Variants in DDX52 observed in about 807,000 individuals in gnomAD.
DDX52 encodes the protein probable ATP-dependent RNA helicase DDX52.
In DDX52, 59 loss-of-function variants were observed where a neutral mutation model predicts 76.1. That is an observed-to-expected ratio of 0.78 (90% confidence interval 0.63 to 0.96). The LOEUF (loss-of-function observed/expected upper bound fraction) is 0.96, where lower values mean the gene tolerates loss of function less well. Among genes scored for constraint, DDX52 ranks in the 40% least tolerant of loss-of-function variants. DDX52 has a pLI of 0.00. For synonymous variants in DDX52, 231 were observed against 244.1 expected, an observed-to-expected ratio of 0.95 and a Z score of 0.50; for missense variants, 707 against 703.9, an observed-to-expected ratio of 1.00 and a Z score of -0.05.
chr17:37,615,343 A>G lies in DDX52; in HGVS notation c.1743-990T>C, dbSNP rs2064412000. Reference sequence around the variant, plus strand: ...AGGGGGCTGATATGACAAGATTTATATCAAGTGTCTTCGAAGTCTTAGTAC... The same window carrying G: ...AGGGGGCTGATATGACAAGATTTATGTCAAGTGTCTTCGAAGTCTTAGTAC... On this transcript the variant is annotated intron_variant, in intron 14 of 14. Transcript: ENST00000617633. 3.9e-5 allele frequency among the ~76,000 whole-genome samples: 6 copies of G among 152,310 alleles called. 1 individual carries two copies. In the South Asian group the frequency reaches 1.2e-3, roughly 32 times the overall value.
At chr17:37,639,352 TA>T in intron 2 of DDX52, 4 of 983,496 alleles carry the variant, frequency 4.1e-6, no homozygotes, top group Non-Finnish European at 4.8e-6. Flanking sequence ...AGAATAACTT[TA>T]AAAAAATTTT....
intron 2 of DDX52, among the ~76,000 whole-genome samples, chr17:37,638,389 C>A (rs143871428): frequency 1.6e-3 from 245 of 152,334 alleles, no homozygotes; most frequent in Non-Finnish European, 2.9e-3. Flanking sequence ...TGCCTCTCCA[C>A]TCTACTGGAT....
chr17:37,639,434 A>T, intron 2 of DDX52: 6 of 991,718 alleles, frequency 6.1e-6, no homozygotes, highest in Non-Finnish European at 7.2e-6. Flanking sequence ...TCAATTTTCC[A>T]GTTAAAAATA....
At chr17:37,615,562 C>A (rs2064415130) in intron 14 of DDX52, among the ~76,000 whole-genome samples, 1 of 152,022 alleles carries the variant, frequency 6.6e-6, no homozygotes, top group Non-Finnish European at 1.5e-5. Context: ...AGCCTGTAGT[C>A]CTAGCTTCTC....
At chr17:37,619,716 G>C in intron 13 of DDX52, 52 bp downstream of exon 13, 2 of 1,333,832 alleles carry the variant, frequency 1.5e-6, no homozygotes, top group Non-Finnish European at 1.0e-6. Flanking sequence ...AAAAAAAAAA[G>C]AATGTATATA....
Position 37,626,090 on chromosome 17 carries a change from C to T in DDX52, c.941G>A (p.Trp314Ter). ...TTTATCTGATTCGTCTACTACAAGCCACTCAACACTAAGAAATAACAAAAC... is the reference window on the plus strand; with the variant it reads ...TTTATCTGATTCGTCTACTACAAGCTACTCAACACTAAGAAATAACAAAAC... ...PPGIDLASVE[W>*]LVVDESDKLF... is the part of the protein sequence containing the mutation. The change falls in exon 8 of 15, where the codon TGG becomes TAG. Residue 314 changes from tryptophan (W) to a stop codon, truncating the protein, a stop_gained. Coordinates refer to ENST00000617633, the MANE Select transcript of DDX52 (RefSeq NM_007010.5). LOFTEE classifies it high-confidence loss of function. The T allele has an allele frequency of 6.2e-7, 1 of 1,614,138 alleles. No individual in the cohort carries two copies. The highest frequency in any genetic ancestry group is 8.5e-7 in the Non-Finnish European group (1 of 1,180,016).
At chr17:37,620,407 G>A (rs549206374) in intron 12 of DDX52, 6 of 165,692 alleles carry the variant, frequency 3.6e-5, no homozygotes, top group Middle Eastern at 3.0e-3. Context: ...TGCTTAAAGC[G>A]ATATAAAGGC....
At chr17:37,629,901 G>C in intron 5 of DDX52, 129 bp downstream of exon 5, 1 of 1,270,034 alleles carries the variant, frequency 7.9e-7, no homozygotes, top group Non-Finnish European at 1.1e-6. Flanking sequence ...GCACTGTGCT[G>C]TGTAGAGGAT....
Position 37,643,215 on chromosome 17 carries a change from A to G in DDX52, c.87+119T>C, listed in dbSNP as rs950771191. On this transcript the variant is annotated intron_variant, in intron 1 of 14. Coordinates refer to ENST00000617633, the MANE Select transcript of DDX52 (RefSeq NM_007010.5). Reference sequence around the variant, plus strand: ...ACACAAAAGGAAGCAAAATACCCCAAGGGTGGCGAGAGCCAGGCCACGGGT... The same window carrying G: ...ACACAAAAGGAAGCAAAATACCCCAGGGGTGGCGAGAGCCAGGCCACGGGT... 5.8e-6 allele frequency: 6 copies of G among 1,027,116 alleles called. No individual in the cohort carries two copies. The African/African-American group carries it at 8.0e-5, about 14-fold the overall frequency. 63.6% of individuals were successfully genotyped at this position (1,027,116 alleles called of 1,614,324 possible).
chr17:37,619,768 C>T lies in DDX52; in HGVS notation c.1649G>A (p.Ser550Asn). 6.2e-7 allele frequency: 1 copy of T among 1,612,772 alleles called. No individual in the cohort carries two copies. Among genetic ancestry groups the T allele is most frequent in the Non-Finnish European group, 8.5e-7 (1 of 1,179,382 alleles). Reference protein sequence around the residue: ...EYIKGFQKLLSKQKKKMIKKP... With the variant: ...EYIKGFQKLLNKQKKKMIKKP... ...GATACAGGTAAATTCAAGATTGTAC[C>T]TTAGTAGTTTCTGAAAACCTTTTAT... Residue 550 changes from serine (S) to asparagine (N), a missense_variant and splice_region_variant, in exon 13 of 15, where the codon AGC becomes AAC. Transcript: ENST00000617633.
At position 37,630,171 on chromosome 17, in the gene DDX52, AC is replaced by A. The variant is rs2030607610; in HGVS notation, c.605del (p.Gly202ValfsTer16). On this transcript the variant is annotated frameshift_variant and splice_region_variant, in exon 5 of 15. Coordinates refer to ENST00000617633, the MANE Select transcript of DDX52 (RefSeq NM_007010.5). LOFTEE classifies it high-confidence loss of function. ...QMQAIPVMLHGRELLASAPTG... is the reference protein window; with the variant it reads ...QMQAIPVMLHXRELLASAPTG... Reference sequence around the variant, plus strand: ...TTGGAGCAGAAGCCAGAAGTTCCCGACCCTAAAAACATAGGGTATATTAAAT... The same window carrying A: ...TTGGAGCAGAAGCCAGAAGTTCCCGACCTAAAAACATAGGGTATATTAAAT... 1 of 1,605,496 alleles carries A rather than the reference AC, an allele frequency of 6.2e-7. No individual in the cohort carries two copies. Among genetic ancestry groups the A allele is most frequent in the African/African-American group, 1.3e-5 (1 of 74,276 alleles).
intron 6 of DDX52, among the ~76,000 whole-genome samples, chr17:37,628,002 C>A (rs1191279323): frequency 6.6e-6 from 1 of 151,816 alleles, no homozygotes; most frequent in East Asian, 1.9e-4. Flanking sequence ...TGGTCCCAAA[C>A]TCCTGGCCTC....
chr17:37,633,353 C>T lies in DDX52; in HGVS notation c.352G>A (p.Asp118Asn), dbSNP rs746607167. Reference protein sequence around the residue: ...WMSSVEAKIEDKKVQRESKLT... With the variant: ...WMSSVEAKIENKKVQRESKLT... ...TTACTTTCTCTCTGAACTTTTTTGT[C>T]TTCAATCTTTGCTTCTACAGATGAC... The change falls in exon 3 of 15, where the codon GAC (aspartate) becomes AAC (asparagine). Residue 118 changes from aspartate to asparagine, a missense_variant. Physicochemically the swap from Asp to Asn is conservative, Grantham distance 23 (BLOSUM62 1). Transcript: ENST00000617633. 1.2e-6 allele frequency: 2 copies of T among 1,611,266 alleles called. No individual in the cohort carries two copies. The highest frequency in any genetic ancestry group is 2.7e-5 in the African/African-American group (2 of 74,802).
chr17:37,638,778 T>G (rs1029048117), intron 2 of DDX52, among the ~76,000 whole-genome samples: 1 of 149,610 alleles, frequency 6.7e-6, no homozygotes, highest in Non-Finnish European at 1.5e-5. Context: ...TTCTTTTTTT[T>G]TTTTTTTTTG....
chr17:37,614,164 G>A lies in DDX52; in HGVS notation c.*132C>T. ...GATAGTTTAGGATCATTTATCACCAGTCCCATGTACTTGTAGTTGATTTCA... is the reference window on the plus strand; with the variant it reads ...GATAGTTTAGGATCATTTATCACCAATCCCATGTACTTGTAGTTGATTTCA... On this transcript the variant is annotated 3_prime_UTR_variant, in exon 15 of 15. Transcript: ENST00000617633. The A allele has an allele frequency of 1.1e-6, 1 of 905,202 alleles. No individual in the cohort carries two copies. The highest frequency in any genetic ancestry group is 1.6e-6 in the Non-Finnish European group (1 of 611,570). 56.1% of individuals were successfully genotyped at this position (905,202 alleles called of 1,614,324 possible).
intron 1 of DDX52, 123 bp from the exon 2 acceptor site, chr17:37,642,431 G>A (rs2031249137): frequency 8.8e-7 from 1 of 1,131,596 alleles, no homozygotes; most frequent in Non-Finnish European, 1.2e-6. Context: ...CGAGCTAACA[G>A]GTGTCTGGAC....
intron 2 of DDX52, chr17:37,639,574 A>G: frequency 2.7e-6 from 1 of 369,052 alleles, no homozygotes; most frequent in Non-Finnish European, 3.8e-6. Context: ...TGTCTCTAAT[A>G]AAAATACAAA....
chr17:37,617,100 A>G (rs2029871998), intron 14 of DDX52, among the ~76,000 whole-genome samples: 1 of 152,180 alleles, frequency 6.6e-6, no homozygotes, highest in African/African-American at 2.4e-5. Flanking sequence ...AATCTTCTTT[A>G]CCTAACTTCA....
rs572746940 is a variant in DDX52, at chr17:37,613,969, A to C, written c.*327T>G. On this transcript the variant is annotated 3_prime_UTR_variant, in exon 15 of 15. Coordinates refer to ENST00000617633, the MANE Select transcript of DDX52 (RefSeq NM_007010.5). ...TATTTCCATTGTATAATCATTTAAA[A>C]GTCACCTACAGAGCTGGGTGCAGCA... 2 of 236,300 alleles carry C rather than the reference A, an allele frequency of 8.5e-6. No homozygotes were observed. Among genetic ancestry groups the C allele is most frequent in the Admixed American group, 1.1e-4 (2 of 17,838 alleles). 14.6% of individuals were successfully genotyped at this position (236,300 alleles called of 1,614,324 possible).
Sources: gnomAD v4.1 joint callset for allele counts (sites outside exome capture counted in the v4.1 genomes callset) on GRCh38, gnomAD v4.1.1 for gene constraint, MANE v1.5 for transcripts, NCBI Gene and HGNC (gene_info 2026-07-23, HGNC 2026-07-21) for gene names.